Variants in PLAGL1 observed in about 807,000 individuals in gnomAD.
PLAGL1 encodes zinc finger protein PLAGL1.
A neutral mutation model predicts 4.6 loss-of-function variants in PLAGL1; 1 was observed. That is an observed-to-expected ratio of 0.22 (90% confidence interval 0.08 to 1.03). The LOEUF (loss-of-function observed/expected upper bound fraction) is 1.03, where lower values mean the gene tolerates loss of function less well. PLAGL1 is among the 50% of genes least tolerant of loss of function. The pLI is 0.58. For synonymous variants in PLAGL1, 240 were observed against 237.8 expected, an observed-to-expected ratio of 1.01 and a Z score of -0.08; for missense variants, 464 against 570.4, an observed-to-expected ratio of 0.81 and a Z score of 1.90.
Position 143,962,340 on chromosome 6 carries a change from C to A in PLAGL1, c.-398-1798G>T, listed in dbSNP as rs183917646. Among the ~76,000 whole-genome samples the A allele has an allele frequency of 6.6e-6, 1 of 152,236 alleles. No homozygotes were observed. The highest frequency in any genetic ancestry group is 2.4e-5 in the African/African-American group (1 of 41,546). On this transcript the variant is annotated intron_variant, in intron 5 of 7. Coordinates refer to ENST00000674357, the MANE Select transcript of PLAGL1 (RefSeq NM_001317162.2). The surrounding 1 kb of genome is among the most constrained non-coding windows in gnomAD (Gnocchi z 5.3). ...GAGGGAAAAAAGGGTTTTCATACGT[C>A]AATTATTCTTTTTTAAGTATGTGGT... is the stretch of plus-strand genomic sequence containing the variant.
Position 144,005,450 on chromosome 6 carries a change from T to C in PLAGL1, c.-584+2640A>G, listed in dbSNP as rs1793969075. On this transcript the variant is annotated intron_variant, in intron 1 of 7. Transcript: ENST00000674357. This position sits in a 1 kb window ranked among gnomAD's most constrained non-coding sequence, Gnocchi z 4.6. ...CAGAAGTGGCACTGCTAATCACTGATATTGGGACAATTACCTTTTCATGTG... is the reference window on the plus strand; with the variant it reads ...CAGAAGTGGCACTGCTAATCACTGACATTGGGACAATTACCTTTTCATGTG... 6.6e-6 allele frequency: 1 copy of C among 152,304 alleles called. No individual in the cohort carries two copies. The allele number at this position is 152,304 out of a possible 1,614,324, so 9.4% of individuals were successfully genotyped here.
In PLAGL1 at chr6:144,027,226, AGAACGAAC is replaced by A. The variant is rs747970925; in HGVS notation, c.-151+37234_-151+37241del. Among the ~76,000 whole-genome samples the A allele has an allele frequency of 5.4e-5, 7 of 129,924 alleles. No homozygotes were observed. Among genetic ancestry groups the A allele is most frequent in the African/African-American group, 1.8e-4 (6 of 32,948 alleles). The allele number at this position is 129,924 out of a possible 152,430, so 85.2% of individuals were successfully genotyped here. On this transcript the variant is annotated intron_variant, in intron 1 of 3. Transcript: ENST00000437412. The surrounding 1 kb of genome is among the most constrained non-coding windows in gnomAD (Gnocchi z 5.8). ...GTGACAGAGAAAGACCCCAACTCAA[AGAACGAAC>A]GAAAGAAAGAAAGAAAGAAAGAAAG...
In PLAGL1 at chr6:143,957,282, G is replaced by A. The variant is rs577169814; in HGVS notation, c.-325+3187C>T. Among the ~76,000 whole-genome samples, 1 of 141,986 alleles carries A rather than the reference G, an allele frequency of 7.0e-6. No individual in the cohort carries two copies. Among genetic ancestry groups the A allele is most frequent in the South Asian group, 2.3e-4 (1 of 4,364 alleles). 93.1% of individuals were successfully genotyped at this position (141,986 alleles called of 152,430 possible). ...TTGAAGAGGACTATTTATGAATGAA[G>A]ACTCTCAGGAGTCTGGTGGGGGGGT... is the stretch of plus-strand genomic sequence containing the variant. On this transcript the variant is annotated intron_variant, in intron 6 of 7. Transcript: ENST00000674357. This position sits in a 1 kb window ranked among gnomAD's most constrained non-coding sequence, Gnocchi z 4.2.
At position 143,965,091 on chromosome 6, in the gene PLAGL1, G is replaced by A. The variant is rs543028232; in HGVS notation, c.-430-273C>T. 2 of 152,282 alleles carry A rather than the reference G, an allele frequency of 1.3e-5. No homozygotes were observed. Among genetic ancestry groups the A allele is most frequent in the Admixed American group, 1.3e-4 (2 of 15,298 alleles). 9.4% of individuals were successfully genotyped at this position (152,282 alleles called of 1,614,324 possible). On this transcript the variant is annotated intron_variant, in intron 4 of 7. Coordinates refer to ENST00000674357, the MANE Select transcript of PLAGL1 (RefSeq NM_001317162.2). This position sits in a 1 kb window ranked among gnomAD's most constrained non-coding sequence, Gnocchi z 7.5. The stretch of plus-strand genomic sequence containing the variant: ...ATGCTGGAAACTGAGATGCTTTAGG[G>A]GAGAGAAGATCCTAACCCAAAAGAA...
chr6:144,029,744 CCTCACATATTG>C (rs1366111415), intron 1 of PLAGL1, among the ~76,000 whole-genome samples: 4 of 152,098 alleles, frequency 2.6e-5, no homozygotes, highest in South Asian at 2.1e-4. Context: ...ATGGAAGTTG[CCTCACATATTG>C]CTCACATATT....
intron 7 of PLAGL1, among the ~76,000 whole-genome samples, chr6:143,944,997 GCA>G (rs1160151193): frequency 2.0e-5 from 3 of 152,080 alleles, no homozygotes; most frequent in African/African-American, 7.3e-5. Context: ...TGTAAGTGGG[GCA>G]CAGTCTGACA....
intron 1 of PLAGL1, among the ~76,000 whole-genome samples, chr6:144,020,151 G>C (rs879341778): frequency 6.6e-6 from 1 of 152,096 alleles, no homozygotes; most frequent in Non-Finnish European, 1.5e-5. Flanking sequence ...CGCTGTCCAC[G>C]AACTAGAAAG....
rs955667928 is a variant in PLAGL1, at chr6:143,994,096, T to C, written c.-583-8922A>G. Among the ~76,000 whole-genome samples, 2 of 151,352 alleles carry C rather than the reference T, an allele frequency of 1.3e-5. No individual in the cohort carries two copies. The highest frequency in any genetic ancestry group is 1.9e-4 in the East Asian group (1 of 5,176). The stretch of plus-strand genomic sequence containing the variant: ...GCAAGGCCAGTACTTCTGAAAATGA[T>C]GAACAAGAAGGTAGAATCAGGGCCT... On this transcript the variant is annotated intron_variant, in intron 1 of 7. Coordinates refer to ENST00000674357, the MANE Select transcript of PLAGL1 (RefSeq NM_001317162.2). The surrounding 1 kb of genome is among the most constrained non-coding windows in gnomAD (Gnocchi z 4.3).
intron 2 of PLAGL1, among the ~76,000 whole-genome samples, chr6:143,980,706 T>C (rs552325827): frequency 6.6e-6 from 1 of 152,328 alleles, no homozygotes; most frequent in African/African-American, 2.4e-5. Flanking sequence ...GATTGAGTTT[T>C]CTCTTCACTG....
intron 1 of PLAGL1, among the ~76,000 whole-genome samples, chr6:144,023,575 C>G (rs910943507): frequency 5.9e-5 from 9 of 151,954 alleles, no homozygotes. Context: ...AGTTGTTTCC[C>G]GTGGGGGTAC....
chr6:143,963,105 G>A lies in PLAGL1; in HGVS notation c.-399+1682C>T, dbSNP rs1783705409. Among the ~76,000 whole-genome samples, 1 of 152,102 alleles carries A rather than the reference G, an allele frequency of 6.6e-6. No homozygotes were observed. Among genetic ancestry groups the A allele is most frequent in the African/African-American group, 2.4e-5 (1 of 41,418 alleles). On this transcript the variant is annotated intron_variant, in intron 5 of 7. Coordinates refer to ENST00000674357, the MANE Select transcript of PLAGL1 (RefSeq NM_001317162.2). This position sits in a 1 kb window ranked among gnomAD's most constrained non-coding sequence, Gnocchi z 6.1. ...ATGTCATTTTAAAGGTGACACTGGG[G>A]GGCATGGTATGAAGGGGTTGCTGGA...
rs1328642767 is a variant in PLAGL1, at chr6:143,984,612, A to G, written c.-544+523T>C. On this transcript the variant is annotated intron_variant, in intron 2 of 7. Coordinates refer to ENST00000674357, the MANE Select transcript of PLAGL1 (RefSeq NM_001317162.2). This position sits in a 1 kb window ranked among gnomAD's most constrained non-coding sequence, Gnocchi z 5.5. ...AAGATACAGACTTAGAATCTGTCAG[A>G]GAATGCAAATCCTTGTTAAGTTACT... 6.6e-6 allele frequency among the ~76,000 whole-genome samples: 1 copy of G among 152,128 alleles called. No homozygotes were observed. Among genetic ancestry groups the G allele is most frequent in the Non-Finnish European group, 1.5e-5 (1 of 68,022 alleles).
Position 143,953,728 on chromosome 6 carries a change from A to G in PLAGL1, c.-324-5268T>C, listed in dbSNP as rs1163914388. ...CTGAAAAGCAGGTAAACAAGCAGTG[A>G]TCGACTTGGCCATCCTAAGAAAGCT... On this transcript the variant is annotated intron_variant, in intron 6 of 7. Coordinates refer to ENST00000674357, the MANE Select transcript of PLAGL1 (RefSeq NM_001317162.2). The surrounding 1 kb of genome is among the most constrained non-coding windows in gnomAD (Gnocchi z 5.3). Among the ~76,000 whole-genome samples the G allele has an allele frequency of 6.6e-6, 1 of 152,262 alleles. No individual in the cohort carries two copies. The highest frequency in any genetic ancestry group is 1.5e-5 in the Non-Finnish European group (1 of 68,044).
chr6:144,031,814 T>C (rs1361196932), intron 1 of PLAGL1, among the ~76,000 whole-genome samples: 1 of 152,190 alleles, frequency 6.6e-6, no homozygotes, highest in Non-Finnish European at 1.5e-5. Context: ...TTTTGCTTAG[T>C]CTCGCTTTGG....
rs970043829 is a variant in PLAGL1 at position 144,053,904 on chromosome 6, A to C, written c.-151+10564T>G. ...AGAAGCTGCAGGAAAGTCTTTGATTATATTAATTATCACATGAATCCTGTC... is the reference window on the plus strand; with the variant it reads ...AGAAGCTGCAGGAAAGTCTTTGATTCTATTAATTATCACATGAATCCTGTC... On this transcript the variant is annotated intron_variant, in intron 1 of 3. Coordinates refer to the PLAGL1 transcript ENST00000437412. This position sits in a 1 kb window ranked among gnomAD's most constrained non-coding sequence, Gnocchi z 4.0. Among the ~76,000 whole-genome samples, 1 of 152,232 alleles carries C rather than the reference A, an allele frequency of 6.6e-6. No homozygotes were observed. The highest frequency in any genetic ancestry group is 1.5e-5 in the Non-Finnish European group (1 of 68,030).
rs1036340714 is a variant in PLAGL1, at chr6:143,958,534, G to A, written c.-325+1935C>T. Among the ~76,000 whole-genome samples, 7 of 152,144 alleles carry A rather than the reference G, an allele frequency of 4.6e-5. No individual in the cohort carries two copies. The highest frequency in any genetic ancestry group is 9.7e-5 in the African/African-American group (4 of 41,434). On this transcript the variant is annotated intron_variant, in intron 6 of 7. Transcript: ENST00000674357. This position sits in a 1 kb window ranked among gnomAD's most constrained non-coding sequence, Gnocchi z 5.1. ...CCAGAAGCATGCCTGTCTGCCTCTC[G>A]GGACACAGGCCGTACTTTATTAGAC...
At chr6:144,041,287 C>T (rs1289622647) in intron 1 of PLAGL1, among the ~76,000 whole-genome samples, 1 of 152,168 alleles carries the variant, frequency 6.6e-6, no homozygotes, top group East Asian at 1.9e-4. Flanking sequence ...CACCTATTAA[C>T]TCATCATTTA....
At chr6:143,943,820 C>CT in intron 7 of PLAGL1, among the ~76,000 whole-genome samples, 1 of 152,314 alleles carries the variant, frequency 6.6e-6, no homozygotes, top group African/African-American at 2.4e-5. Context: ...ATTTGTGAAG[C>CT]AGAAATTAGT....
intron 1 of PLAGL1, among the ~76,000 whole-genome samples, chr6:144,033,229 A>G (rs1268636912): frequency 6.6e-6 from 1 of 152,236 alleles, no homozygotes; most frequent in African/African-American, 2.4e-5. Flanking sequence ...TATACAAAGA[A>G]TGGTGAGAGA....
Sources: allele counts gnomAD v4.1 joint callset (sites outside exome capture counted in the v4.1 genomes callset), GRCh38; gene constraint gnomAD v4.1.1; non-coding constraint Gnocchi (gnomAD v3.1); transcripts MANE v1.5; gene names NCBI Gene and HGNC (gene_info 2026-07-23, HGNC 2026-07-21).